PDE1C: variants seen among roughly 807,000 people sequenced by gnomAD.
PDE1C encodes the protein phosphodiesterase 1C, also known as dual specificity calcium/calmodulin-dependent 3',5'-cyclic nucleotide phosphodiesterase 1C.
In PDE1C, 62 loss-of-function variants were observed where a neutral mutation model predicts 93.1. The ratio of observed to expected loss-of-function variants is 0.67; its 90% CI spans 0.54 to 0.82. The LOEUF is 0.82. Ranked by LOEUF, PDE1C falls within the 40% of genes least tolerant of loss-of-function variation. The pLI, the probability that PDE1C is intolerant of heterozygous loss-of-function variation, is 0.00. For synonymous variants in PDE1C, 325 were observed against 310.1 expected, an observed-to-expected ratio of 1.05 and a Z score of -0.50; for missense variants, 742 against 884.6, an observed-to-expected ratio of 0.84 and a Z score of 2.04.
chr7:32,269,748 G>T (rs911597233), intron 1 of PDE1C, among the ~76,000 whole-genome samples: 3 of 152,080 alleles, frequency 2.0e-5, no homozygotes, highest in African/African-American at 7.2e-5. Flanking sequence ...AAAGTGCTGG[G>T]ATTACAGGCA....
intron 1 of PDE1C, among the ~76,000 whole-genome samples, chr7:32,372,168 C>T (rs764526636): frequency 3.3e-5 from 5 of 151,720 alleles, no homozygotes; most frequent in Non-Finnish European, 7.4e-5. Context: ...ACTCTTGTGC[C>T]TCACCCTCCC....
chr7:32,121,410 C>A (rs959737770), intron 3 of PDE1C, among the ~76,000 whole-genome samples: 5 of 151,920 alleles, frequency 3.3e-5, no homozygotes, highest in African/African-American at 1.2e-4. Context: ...AGAAGATCAA[C>A]CCCAAGACAC....
chr7:32,405,960 GTGAT>G (rs1387175232), intron 1 of PDE1C, among the ~76,000 whole-genome samples: 1 of 152,158 alleles, frequency 6.6e-6, no homozygotes, highest in Non-Finnish European at 1.5e-5. Context: ...AGAGCAATAA[GTGAT>G]TGTGCCGTGT....
chr7:31,782,535 C>T (rs994346142), intron 16 of PDE1C, among the ~76,000 whole-genome samples: 4 of 152,118 alleles, frequency 2.6e-5, no homozygotes, highest in African/African-American at 7.2e-5. Flanking sequence ...TAATACCATG[C>T]GAAACGATAC....
At chr7:32,386,766 A>G (rs1784633992) in intron 1 of PDE1C, among the ~76,000 whole-genome samples, 1 of 151,604 alleles carries the variant, frequency 6.6e-6, no homozygotes, top group African/African-American at 2.4e-5. Flanking sequence ...ATGAACCACC[A>G]AGCCCAACCA....
chr7:32,245,974 T>C (rs919873214), intron 1 of PDE1C, among the ~76,000 whole-genome samples: 2 of 146,740 alleles, frequency 1.4e-5, no homozygotes, highest in African/African-American at 2.5e-5. Flanking sequence ...TTTTCTTTTT[T>C]TTTTTTTTTT....
intron 2 of PDE1C, among the ~76,000 whole-genome samples, chr7:32,191,660 CGG>C (rs2128821215): frequency 6.6e-6 from 1 of 152,254 alleles, no homozygotes; most frequent in African/African-American, 2.4e-5. Context: ...TTGGCTACTA[CGG>C]AAAAAGCTGC....
chr7:31,863,543 T>C (rs1230587807), intron 7 of PDE1C, among the ~76,000 whole-genome samples: 2 of 152,224 alleles, frequency 1.3e-5, no homozygotes, highest in African/African-American at 4.8e-5. Context: ...AAATCTTTTA[T>C]TGAGTTAAAA....
chr7:32,042,565 G>C (rs1162285542), intron 2 of PDE1C, among the ~76,000 whole-genome samples: 1 of 152,116 alleles, frequency 6.6e-6, no homozygotes, highest in African/African-American at 2.4e-5. Flanking sequence ...ATCAGTAGGG[G>C]GCCCTCTGGA....
At chr7:32,086,814 A>G (rs1437213012) in intron 3 of PDE1C, among the ~76,000 whole-genome samples, 1 of 152,212 alleles carries the variant, frequency 6.6e-6, no homozygotes, top group Non-Finnish European at 1.5e-5. Flanking sequence ...GTAGAAACTG[A>G]AACTGGATCC....
At position 31,840,639 on chromosome 7, in the gene PDE1C, G is replaced by A. The variant is rs139214501; in HGVS notation, c.981-2668C>T. ...ATTTTTTGAGTATGGTATGTGATAAGGGTCAAAGTTATCTTTTCCCATTGT... is the reference window on the plus strand; with the variant it reads ...ATTTTTTGAGTATGGTATGTGATAAAGGTCAAAGTTATCTTTTCCCATTGT... On this transcript the variant is annotated intron_variant, in intron 9 of 17. Coordinates refer to ENST00000396191, the MANE Select transcript of PDE1C (RefSeq NM_001191057.4). Among the ~76,000 whole-genome samples the A allele has an allele frequency of 5.9e-5, 9 of 152,184 alleles. No individual in the cohort carries two copies. The East Asian group carries it at 9.6e-4, about 16-fold the overall frequency.
intron 2 of PDE1C, among the ~76,000 whole-genome samples, chr7:31,944,868 T>C (rs1181704810): frequency 6.6e-6 from 1 of 152,130 alleles, no homozygotes; most frequent in Non-Finnish European, 1.5e-5. Context: ...AGGAACAAGC[T>C]CCTTAACGTT....
chr7:31,830,039 T>C (rs1025593652), intron 11 of PDE1C, among the ~76,000 whole-genome samples: 6 of 152,160 alleles, frequency 3.9e-5, no homozygotes, highest in Non-Finnish European at 7.3e-5. Context: ...AATCACCTGA[T>C]ACTAAATAAC....
chr7:31,712,303 T>TG, the PDE1C span, among the ~76,000 whole-genome samples: 1 of 152,240 alleles, frequency 6.6e-6, no homozygotes, highest in African/African-American at 2.4e-5. Flanking sequence ...AATGAATGAA[T>TG]AAAAAGACTT....
At chr7:31,865,245 T>A (rs76698249) in intron 6 of PDE1C, among the ~76,000 whole-genome samples, 163 bp from the exon 7 acceptor site, 1 of 152,226 alleles carries the variant, frequency 6.6e-6, no homozygotes, top group Non-Finnish European at 1.5e-5. Flanking sequence ...ATCAGATAAT[T>A]TGAAAATCTA....
rs541941795 is a variant in PDE1C, at chr7:32,297,113, C to T, written c.85+1538G>A. ...ATGCTGTGTTGAGGGAATGGCTTTC[C>T]TGCCTGCAGGAACAGCCTAGGCAAA... is the stretch of plus-strand genomic sequence containing the variant. On this transcript the variant is annotated intron_variant, in intron 1 of 18. Coordinates refer to the PDE1C transcript ENST00000396193. 5.2e-4 allele frequency among the ~76,000 whole-genome samples: 79 copies of T among 152,238 alleles called. 3 individuals are homozygous for T. The South Asian group carries it at 0.015, about 30-fold the overall frequency.
intron 7 of PDE1C, among the ~76,000 whole-genome samples, chr7:31,857,832 A>T (rs1794211177): frequency 6.6e-6 from 1 of 152,234 alleles, no homozygotes; most frequent in African/African-American, 2.4e-5. Context: ...AAAGACTTTT[A>T]AAGGAAGTTT....
chr7:31,707,093 A>T, the PDE1C span: 1 of 909,512 alleles, frequency 1.1e-6, no homozygotes, highest in East Asian at 2.7e-5. Flanking sequence ...AACCTTGTAG[A>T]CACTAAGAGG....
At chr7:31,687,333 G>T in the PDE1C span, 2 of 152,290 alleles carry the variant, frequency 1.3e-5, no homozygotes, top group African/African-American at 2.4e-5. Context: ...TTTACTCCAA[G>T]AACTTTTGTG....
Sources: allele counts gnomAD v4.1 joint callset (sites outside exome capture counted in the v4.1 genomes callset), GRCh38; gene constraint gnomAD v4.1.1; transcripts MANE v1.5; gene names NCBI Gene and HGNC (gene_info 2026-07-23, HGNC 2026-07-21).